The following RBM12 variants were observed in gnomAD, a reference collection of about 807,000 sequenced individuals.
RBM12 encodes the protein RNA-binding protein 12.
A neutral mutation model predicts 37.2 loss-of-function variants in RBM12; 24 were observed. The ratio of observed to expected loss-of-function variants is 0.65; its 90% confidence interval spans 0.47 to 0.91. The LOEUF is 0.91. RBM12 is among the 40% of genes least tolerant of loss of function. RBM12 has a pLI of 0.00. For synonymous variants in RBM12, 420 were observed against 425.2 expected (o/e 0.99, Z 0.15); for missense variants, 1,061 against 1,183.2 (o/e 0.90, Z 1.52).
chr20:35,653,532 A>G lies in RBM12; in HGVS notation c.1791T>C (p.Asp597=), dbSNP rs1313618788. The part of the protein sequence containing the change: ...QALVQFKNED[D]ARKSERLHRK... ...GGTGTAAGCGTTCAGACTTACGTGCATCATCTTCATTTTTAAACTGAACCA... is the reference window on the plus strand; with the variant it reads ...GGTGTAAGCGTTCAGACTTACGTGCGTCATCTTCATTTTTAAACTGAACCA... Residue 597 remains aspartate (D), a synonymous_variant, in exon 3 of 3, where the codon GAT becomes GAC. Coordinates refer to ENST00000374114, the MANE Select transcript of RBM12 (RefSeq NM_006047.6). The G allele has an allele frequency of 1.2e-6, 2 of 1,614,206 alleles. No individual in the cohort carries two copies. The highest frequency in any genetic ancestry group is 1.7e-5 in the Admixed American group (1 of 60,016).
chr20:35,659,082 C>T, intron 1 of RBM12, 68 bp from the exon 2 acceptor site: 3 of 628,882 alleles, frequency 4.8e-6, no homozygotes, highest in Non-Finnish European at 8.8e-6. Context: ...ACAGGCCACA[C>T]TGTACATTAC....
At position 35,655,002 on chromosome 20, in the gene RBM12, TG is replaced by T. The variant is rs2033810727; in HGVS notation, c.320del (p.Pro107HisfsTer7). ...IPPANASRSG[P>X]PPSSGMSSRV... ...TGCTACTCATTCCTGAGCTAGGTGGTGGTCCTGATCTACTGGCATTTGCTGG... is the reference window on the plus strand; with the variant it reads ...TGCTACTCATTCCTGAGCTAGGTGGTGTCCTGATCTACTGGCATTTGCTGG... On this transcript the variant is annotated frameshift_variant, in exon 3 of 3. Transcript: ENST00000374114. LOFTEE classifies it high-confidence loss of function. 1 of 1,614,112 alleles carries T rather than the reference TG, an allele frequency of 6.2e-7. No individual in the cohort carries two copies.
At position 35,652,940 on chromosome 20, in the gene RBM12, C is replaced by A. The variant is rs1310162797; in HGVS notation, c.2383G>T (p.Gly795Cys). ...FGGGPQNFGNGPGSLGGPPGF... is the reference protein window; with the variant it reads ...FGGGPQNFGNCPGSLGGPPGF... The stretch of plus-strand genomic sequence containing the variant: ...GGGGGACCGCCTAAGCTACCAGGGC[C>A]ATTTCCAAAATTCTGAGGGCCCCCT... The change falls in exon 3 of 3, where the codon GGC becomes TGC. Residue 795 changes from glycine (G) to cysteine (C), a missense_variant. Gly to Cys is a radical substitution (Grantham distance 159, BLOSUM62 -3). Transcript: ENST00000374114. The A allele has an allele frequency of 2.5e-6, 4 of 1,613,692 alleles. No homozygotes were observed. The highest frequency in any genetic ancestry group is 2.7e-5 in the African/African-American group (2 of 74,950).
Position 35,655,011 on chromosome 20 carries a change from T to C in RBM12, c.312A>G (p.Arg104=). 1 of 1,614,212 alleles carries C rather than the reference T, an allele frequency of 6.2e-7. No homozygotes were observed. The highest frequency in any genetic ancestry group is 8.5e-7 in the Non-Finnish European group (1 of 1,180,038). ...NLDIPPANAS[R]SGPPPSSGMS... ...TTCCTGAGCTAGGTGGTGGTCCTGA[T>C]CTACTGGCATTTGCTGGTGGTATAT... The change falls in exon 3 of 3, where the codon AGA becomes AGG. Residue 104 remains arginine, a synonymous_variant. Transcript: ENST00000374114.
At chr20:35,658,684 C>T (rs1721584546) in intron 2 of RBM12, among the ~76,000 whole-genome samples, 2 of 151,884 alleles carry the variant, frequency 1.3e-5, no homozygotes, top group South Asian at 2.1e-4. Context: ...TGCTTGAACC[C>T]GGGAGGCGGA....
intron 2 of RBM12, among the ~76,000 whole-genome samples, 155 bp from the exon 3 acceptor site, chr20:35,655,499 A>G (rs1183386834): frequency 1.3e-5 from 2 of 152,216 alleles, no homozygotes; most frequent in African/African-American, 4.8e-5. Flanking sequence ...AAAACTGAAC[A>G]TTACGTGCCA....
Position 35,652,395 on chromosome 20 carries a change from G to T in RBM12, c.*129C>A. 1 of 1,091,438 alleles carries T rather than the reference G, an allele frequency of 9.2e-7. No individual in the cohort carries two copies. Among genetic ancestry groups the T allele is most frequent in the Non-Finnish European group, 1.3e-6 (1 of 763,802 alleles). 67.6% of individuals were successfully genotyped at this position (1,091,438 alleles called of 1,614,324 possible). On this transcript the variant is annotated 3_prime_UTR_variant, in exon 3 of 3. Transcript: ENST00000374114. ...TGTAAACAGTCAACCAATGCTCTAT[G>T]TTATGGAAACCAAGCTATATGCAAT...
chr20:35,656,322 C>G (rs1325894376), intron 2 of RBM12, among the ~76,000 whole-genome samples: 1 of 152,134 alleles, frequency 6.6e-6, no homozygotes, highest in African/African-American at 2.4e-5. Context: ...TCTGTGATCT[C>G]CTTAGATCAT....
chr20:35,663,033 T>C (rs2034319895), intron 1 of RBM12, among the ~76,000 whole-genome samples: 1 of 152,228 alleles, frequency 6.6e-6, no homozygotes, highest in South Asian at 2.1e-4. Flanking sequence ...TCCAATAATA[T>C]ATACTAAGCA....
At position 35,654,486 on chromosome 20, in the gene RBM12, C is replaced by T. The variant is rs140930448; in HGVS notation, c.837G>A (p.Pro279=). Residue 279 remains proline, a synonymous_variant, in exon 3 of 3, where the codon CCG becomes CCA. Transcript: ENST00000374114. ...TCTGGATAGGGTTAACAGGATTCAA[C>T]GGACCAAGAAACATAGGATTCAGAT... ...NNNLNPMFLG[P]LNPVNPIQMN... The T allele has an allele frequency of 1.3e-5, 21 of 1,614,038 alleles. No homozygotes were observed. Among genetic ancestry groups the T allele is most frequent in the East Asian group, 1.1e-4 (5 of 44,892 alleles).
rs893314320 is a variant in RBM12, at chr20:35,652,361, T to C, written c.*163A>G. ...ATACAGCAATGTTTATCCTGGTGAG[T>C]GAGTCTTCTGTAAACAGTCAACCAA... On this transcript the variant is annotated 3_prime_UTR_variant, in exon 3 of 3. Coordinates refer to ENST00000374114, the MANE Select transcript of RBM12 (RefSeq NM_006047.6). 1.3e-6 allele frequency: 1 copy of C among 742,666 alleles called. No homozygotes were observed. Among genetic ancestry groups the C allele is most frequent in the Non-Finnish European group, 2.2e-6 (1 of 464,958 alleles). The allele number at this position is 742,666 out of a possible 1,614,324, so 46.0% of individuals were successfully genotyped here.
intron 2 of RBM12, among the ~76,000 whole-genome samples, chr20:35,658,378 A>C (rs1478903303): frequency 6.6e-6 from 1 of 152,212 alleles, no homozygotes; most frequent in Non-Finnish European, 1.5e-5. Context: ...TCACAAGATA[A>C]ATAGATCCAT....
At position 35,664,812 on chromosome 20, in the gene RBM12, A is replaced by T. The variant is rs1375406703; in HGVS notation, c.-160T>A. On this transcript the variant is annotated 5_prime_UTR_variant, in exon 1 of 3. Coordinates refer to ENST00000374114, the MANE Select transcript of RBM12 (RefSeq NM_006047.6). ...CAGACCCCGAATTACCCCCCGCGCGAGTGCCTCCGCCCCGCGGCCGACAGC... is the reference window on the plus strand; with the variant it reads ...CAGACCCCGAATTACCCCCCGCGCGTGTGCCTCCGCCCCGCGGCCGACAGC... 2 of 152,390 alleles carry T rather than the reference A, an allele frequency of 1.3e-5. No homozygotes were observed. The highest frequency in any genetic ancestry group is 4.8e-5 in the African/African-American group (2 of 41,456). The allele number at this position is 152,390 out of a possible 1,614,324, so 9.4% of individuals were successfully genotyped here.
chr20:35,656,960 T>C (rs1209761570), intron 2 of RBM12, among the ~76,000 whole-genome samples: 26 of 152,260 alleles, frequency 1.7e-4, no homozygotes, highest in Non-Finnish European at 1.5e-5. Flanking sequence ...TGTAACTTCA[T>C]TGTCAAATAT....
At chr20:35,663,799 C>T (rs2034373053) in intron 1 of RBM12, among the ~76,000 whole-genome samples, 6 of 152,190 alleles carry the variant, frequency 3.9e-5, no homozygotes, top group Admixed American at 3.9e-4. Flanking sequence ...GGCGTCCAAC[C>T]CCGTCACTAA....
intron 1 of RBM12, among the ~76,000 whole-genome samples, chr20:35,662,724 T>C (rs2146386032): frequency 6.6e-6 from 1 of 152,318 alleles, no homozygotes; most frequent in Non-Finnish European, 1.5e-5. Flanking sequence ...TGGAACACAC[T>C]GGCCCACAAC....
At position 35,650,048 on chromosome 20, in the gene RBM12, G is replaced by T. The variant is rs1255455972; in HGVS notation, c.*2476C>A. 6.6e-5 allele frequency: 10 copies of T among 152,562 alleles called. No individual in the cohort carries two copies. The highest frequency in any genetic ancestry group is 2.0e-4 in the Admixed American group (3 of 15,270). The allele number at this position is 152,562 out of a possible 1,614,324, so 9.5% of individuals were successfully genotyped here. A position where few individuals can be genotyped will look rare whatever the true frequency, so the allele number is the denominator to read the frequency against. ...GTAGTTTCACAGAATACATTTTCAA[G>T]AATTTTTTAAAAACTGAAACTCCAA... On this transcript the variant is annotated 3_prime_UTR_variant, in exon 3 of 3. Coordinates refer to ENST00000374114, the MANE Select transcript of RBM12 (RefSeq NM_006047.6).
chr20:35,658,628 GC>G (rs2034044195), intron 2 of RBM12, among the ~76,000 whole-genome samples: 1 of 152,082 alleles, frequency 6.6e-6, no homozygotes, highest in Non-Finnish European at 1.5e-5. Flanking sequence ...GGGTATGGTG[GC>G]AGGCGCCTGT....
intron 2 of RBM12, among the ~76,000 whole-genome samples, chr20:35,657,748 T>C (rs1246511339): frequency 2.6e-5 from 4 of 152,192 alleles, no homozygotes; most frequent in Non-Finnish European, 4.4e-5. Context: ...AAATTGTTTC[T>C]AGCTTCCAAA....
Sources: gnomAD v4.1 joint callset for allele counts (sites outside exome capture counted in the v4.1 genomes callset) on GRCh38, gnomAD v4.1.1 for gene constraint, MANE v1.5 for transcripts, NCBI Gene and HGNC (gene_info 2026-07-23, HGNC 2026-07-21) for gene names.